POM121L2: variants seen among roughly 807,000 people sequenced by gnomAD.
The protein encoded by POM121L2 is POM121-like protein 2.
For missense variants in POM121L2, 1,167 were observed against 1,260.3 expected (o/e 0.93, Z 1.12); for synonymous variants, 459 against 483.8 (o/e 0.95, Z 0.67).
At position 27,311,019 on chromosome 6, in the gene POM121L2, A is replaced by C. The variant is rs772586435; in HGVS notation, c.1152T>G (p.Pro384=). ...PFPETWLAIQ[P]SLSLALPSSE... is the part of the protein sequence containing the mutation. ...AAGAAGGCAGAGCAAGAGACAAGGA[A>C]GGCTGAATAGCAAGCCAAGTCTCAG... The change falls in exon 1 of 1, where the codon CCT becomes CCG. Residue 384 remains proline, a synonymous_variant. Transcript: ENST00000444565. The C allele has an allele frequency of 1.9e-5, 29 of 1,552,096 alleles. No individual in the cohort carries two copies. In the African/African-American group the frequency reaches 4.0e-4, roughly 21 times the overall value.
Position 27,312,148 on chromosome 6 carries a change from A to G in POM121L2, c.23T>C (p.Leu8Pro). The change falls in exon 1 of 1, where the codon CTG becomes CCG. Residue 8 changes from leucine (L) to proline (P), a missense_variant. Transcript: ENST00000444565. This position sits in a 1 kb window ranked among gnomAD's most constrained non-coding sequence, Gnocchi z 6.7. MGSFLSK[L>P]ELSPSSPAQV... is the part of the protein sequence containing the mutation. ...GGCTGGGGACGAGGGCGAAAGTTCC[A>G]GTTTGCTCAGGAAACTGCCCATGAG... The G allele has an allele frequency of 6.9e-7, 1 of 1,452,176 alleles. No homozygotes were observed. Among genetic ancestry groups the G allele is most frequent in the South Asian group, 1.5e-5 (1 of 68,062 alleles). 90.0% of individuals were successfully genotyped at this position (1,452,176 alleles called of 1,614,324 possible). A position where few individuals can be genotyped will look rare whatever the true frequency, so the allele number is the denominator to read the frequency against.
At position 27,310,810 on chromosome 6, in the gene POM121L2, C is replaced by A. The variant is rs1444127358; in HGVS notation, c.1361G>T (p.Gly454Val). The stretch of plus-strand genomic sequence containing the variant: ...TGTGGGCTTTGAGTCTGGAGAGGTG[C>A]CTGGAAGGAGCTCTGACTGTGAGCA... ...PGCSQSELLP[G>V]TSPDSKPTAT... is the part of the protein sequence containing the mutation. Residue 454 changes from glycine (G) to valine (V), a missense_variant, in exon 1 of 1, where the codon GGC (glycine) becomes GTC (valine). Coordinates refer to ENST00000444565, the MANE Select transcript of POM121L2 (RefSeq NM_033482.4). 2.6e-6 allele frequency: 4 copies of A among 1,551,418 alleles called. No homozygotes were observed. The highest frequency in any genetic ancestry group is 2.6e-6 in the Non-Finnish European group (3 of 1,146,984).
Position 27,310,888 on chromosome 6 carries a change from G to C in POM121L2, c.1283C>G (p.Thr428Ser). The C allele has an allele frequency of 1.9e-6, 3 of 1,551,802 alleles. No homozygotes were observed. The highest frequency in any genetic ancestry group is 2.6e-6 in the Non-Finnish European group (3 of 1,146,994). The change falls in exon 1 of 1, where the codon ACC becomes AGC. Residue 428 changes from threonine (T) to serine (S), a missense_variant. Thr to Ser is a moderately conservative substitution (Grantham distance 58). Coordinates refer to ENST00000444565, the MANE Select transcript of POM121L2 (RefSeq NM_033482.4). ...LASPQSTGEA[T>S]SVAHSPLKTP... Reference sequence around the variant, plus strand: ...CTTCAAAGGAGAATGGGCCACACTGGTTGCCTCTCCCGTGGACTGTGGAGA... The same window carrying C: ...CTTCAAAGGAGAATGGGCCACACTGCTTGCCTCTCCCGTGGACTGTGGAGA...
At chr6:27,311,347 GGA>G, upstream of POM121L2, 1 of 1,551,646 alleles carries the variant, frequency 6.4e-7, no homozygotes, top group Non-Finnish European at 8.7e-7. Context: ...TGATACACTG[GGA>G]ACACTTCTCT....
In POM121L2 at chr6:27,311,575, A is replaced by G. The variant is rs992063981; in HGVS notation, c.596T>C (p.Leu199Pro). The G allele has an allele frequency of 6.4e-7, 1 of 1,551,592 alleles. No homozygotes were observed. Among genetic ancestry groups the G allele is most frequent in the African/African-American group, 1.4e-5 (1 of 73,054 alleles). Residue 199 changes from leucine to proline, a missense_variant, in exon 1 of 1, where the codon CTG (leucine) becomes CCG (proline). Transcript: ENST00000444565. ...PETRPSAFKP[L>P]MKNGTLTSFV... ...AGAAGTGAGGGTTCCATTTTTCATC[A>G]GGGGCTTAAATGCCGATGGTCTGGT...
chr6:27,309,440 C>T lies in POM121L2; in HGVS notation c.2731G>A (p.Asp911Asn). 6.4e-7 allele frequency: 1 copy of T among 1,551,470 alleles called. No homozygotes were observed. Among genetic ancestry groups the T allele is most frequent in the Non-Finnish European group, 8.7e-7 (1 of 1,146,852 alleles). Residue 911 changes from aspartate to asparagine, a missense_variant, in exon 1 of 1, where the codon GAC (aspartate) becomes AAC (asparagine). Transcript: ENST00000444565. ...DESGIIMTGP[D>N]MSPTSGAFSI... ...AAAGCTCCAGAGGTGGGGCTCATGT[C>T]TGGACCAGTCATTATGATCCCAGAC...
In POM121L2 at chr6:27,308,799, C is replaced by G. The variant is rs9461347; in HGVS notation, c.*264G>C. 4.6e-5 allele frequency among the ~76,000 whole-genome samples: 7 copies of G among 152,286 alleles called. No individual in the cohort carries two copies. Among genetic ancestry groups the G allele is most frequent in the African/African-American group, 1.7e-4 (7 of 41,560 alleles). ...TGCTGTGCACACTGCACACCTGACA[C>G]AGAGAAGAGTGGACAGGAAGGGGAA... On this transcript the variant is annotated 3_prime_UTR_variant, in exon 1 of 1. Coordinates refer to ENST00000444565, the MANE Select transcript of POM121L2 (RefSeq NM_033482.4).
At position 27,312,098 on chromosome 6, in the gene POM121L2, T is replaced by C. The variant is rs11965377; in HGVS notation, c.73A>G (p.Arg25Gly). 7.6e-3 allele frequency: 11,258 copies of C among 1,478,448 alleles called. 179 individuals are homozygous for C. The highest frequency in any genetic ancestry group is 0.055 in the African/African-American group (3,919 of 70,826). The allele number at this position is 1,478,448 out of a possible 1,614,324, so 91.6% of individuals were successfully genotyped here. Reference sequence around the variant, plus strand: ...TGAGGTGGCCGGCGTTTCGTGGGCCTCTCGGGCAAGTCGGTGCGCACCTGG... The same window carrying C: ...TGAGGTGGCCGGCGTTTCGTGGGCCCCTCGGGCAAGTCGGTGCGCACCTGG... ...PAQVRTDLPE[R>G]PTKRRPPQPL... The change falls in exon 1 of 1, where the codon AGG becomes GGG. Residue 25 changes from arginine to glycine, a missense_variant. Physicochemically the swap from Arg to Gly is moderately radical, Grantham distance 125. Transcript: ENST00000444565. The surrounding 1 kb of genome is among the most constrained non-coding windows in gnomAD (Gnocchi z 6.7).
chr6:27,309,678 C>T lies in POM121L2; in HGVS notation c.2493G>A (p.Leu831=). 6.4e-7 allele frequency: 1 copy of T among 1,551,698 alleles called. No homozygotes were observed. Among genetic ancestry groups the T allele is most frequent in the Non-Finnish European group, 8.7e-7 (1 of 1,147,004 alleles). The change falls in exon 1 of 1, where the codon TTG becomes TTA. Residue 831 remains leucine (L), a synonymous_variant. Coordinates refer to ENST00000444565, the MANE Select transcript of POM121L2 (RefSeq NM_033482.4). ...ISTTQSALGC[L]TPSASTSQTP... ...TTTGAGAGGTGGAGGCTGAGGGTGT[C>T]AAACACCCCAAGGCTGACTGTGTGG...
Position 27,311,965 on chromosome 6 carries a change from G to T in POM121L2, c.206C>A (p.Thr69Lys). The change falls in exon 1 of 1, where the codon ACG (threonine) becomes AAG (lysine). Residue 69 changes from threonine (T) to lysine (K), a missense_variant. Coordinates refer to ENST00000444565, the MANE Select transcript of POM121L2 (RefSeq NM_033482.4). ...CCTCCAGGCCTCGTTGGCCAGCCAC[G>T]TGGTTGGATTGGCAGGATCCAGGTT... ...RPNLDPANPT[T>K]WLANEAWRRF... The T allele has an allele frequency of 6.4e-7, 1 of 1,551,420 alleles. No homozygotes were observed.
At position 27,311,050 on chromosome 6, in the gene POM121L2, G is replaced by A. The variant is rs1581499968; in HGVS notation, c.1121C>T (p.Pro374Leu). The change falls in exon 1 of 1, where the codon CCT (proline) becomes CTT (leucine). Residue 374 changes from proline to leucine, a missense_variant. Transcript: ENST00000444565. Reference protein sequence around the residue: ...GEDTTEVNTDPFPETWLAIQP... With the variant: ...GEDTTEVNTDLFPETWLAIQP... Reference sequence around the variant, plus strand: ...AATAGCAAGCCAAGTCTCAGGGAAAGGGTCTGTGTTGACCTCAGTTGTATC... The same window carrying A: ...AATAGCAAGCCAAGTCTCAGGGAAAAGGTCTGTGTTGACCTCAGTTGTATC... 1 of 1,552,084 alleles carries A rather than the reference G, an allele frequency of 6.4e-7. No individual in the cohort carries two copies. Among genetic ancestry groups the A allele is most frequent in the East Asian group, 2.4e-5 (1 of 40,920 alleles).
rs1020191754 is a variant in POM121L2, at chr6:27,310,984, T to C, written c.1187A>G (p.Asp396Gly). ...LSLALPSSET[D>G]LTQGANPQLE... ...CTGAGGATTTGCTCCCTGGGTTAGA[T>C]CTGTTTCTGAAGAAGGCAGAGCAAG... Residue 396 changes from aspartate to glycine, a missense_variant, in exon 1 of 1, where the codon GAT becomes GGT. Physicochemically the swap from Asp to Gly is moderately conservative, Grantham distance 94. Coordinates refer to ENST00000444565, the MANE Select transcript of POM121L2 (RefSeq NM_033482.4). The C allele has an allele frequency of 1.3e-6, 2 of 1,551,868 alleles. No homozygotes were observed. The highest frequency in any genetic ancestry group is 2.0e-5 in the Admixed American group (1 of 51,010).
In POM121L2 at chr6:27,309,640, G is replaced by A; in HGVS notation, c.2531C>T (p.Thr844Ile). 1 of 1,551,764 alleles carries A rather than the reference G, an allele frequency of 6.4e-7. No homozygotes were observed. Among genetic ancestry groups the A allele is most frequent in the Non-Finnish European group, 8.7e-7 (1 of 1,147,026 alleles). Residue 844 changes from threonine (T) to isoleucine (I), a missense_variant, in exon 1 of 1, where the codon ACC (threonine) becomes ATC (isoleucine). Transcript: ENST00000444565. Reference protein sequence around the residue: ...SASTSQTPASTWSGIGGIPAG... With the variant: ...SASTSQTPASIWSGIGGIPAG... ...TGGAATGCCGCCAATGCCTGACCAG[G>A]TGCTGGCAGGGGTTTGAGAGGTGGA...
At position 27,309,494 on chromosome 6, in the gene POM121L2, C is replaced by T. The variant is rs983693292; in HGVS notation, c.2677G>A (p.Gly893Arg). The T allele has an allele frequency of 2.9e-5, 45 of 1,551,842 alleles. No individual in the cohort carries two copies. The highest frequency in any genetic ancestry group is 1.7e-4 in the Middle Eastern group (1 of 6,018). The change falls in exon 1 of 1, where the codon GGA becomes AGA. Residue 893 changes from glycine to arginine, a missense_variant. Physicochemically the swap from Gly to Arg is moderately radical, Grantham distance 125. Transcript: ENST00000444565. ...TCACAGTCCATAGGGGTCACGAATCCCCCAAAAGTGAAAGGTTGTGGAGCT... is the reference window on the plus strand; with the variant it reads ...TCACAGTCCATAGGGGTCACGAATCTCCCAAAAGTGAAAGGTTGTGGAGCT... Reference protein sequence around the residue: ...SRAPQPFTFGGFVTPMDCDES... With the variant: ...SRAPQPFTFGRFVTPMDCDES...
Position 27,310,443 on chromosome 6 carries a change from G to T in POM121L2, c.1728C>A (p.Thr576=). ...CTATGCTGCCAAAGATAGGCTTGAA[G>T]GTAGGAGTTAAGGTACCCTGAATTG... ...LSTIQGTLTP[T]FKPIFGSIDP... Residue 576 remains threonine (T), a synonymous_variant, in exon 1 of 1, where the codon ACC becomes ACA. Coordinates refer to ENST00000444565, the MANE Select transcript of POM121L2 (RefSeq NM_033482.4). The T allele has an allele frequency of 6.4e-7, 1 of 1,552,236 alleles. No individual in the cohort carries two copies. The highest frequency in any genetic ancestry group is 8.7e-7 in the Non-Finnish European group (1 of 1,147,126).
rs750813017 is a variant in POM121L2 at position 27,310,570 on chromosome 6, A to G, written c.1601T>C (p.Leu534Ser). ...PPDATSAHLM[L>S]KPILGPLHNS... Reference sequence around the variant, plus strand: ...GTGCAGGGGCCCCAAAATCGGTTTTAACATGAGGTGAGCAGAAGTTGCATC... The same window carrying G: ...GTGCAGGGGCCCCAAAATCGGTTTTGACATGAGGTGAGCAGAAGTTGCATC... The change falls in exon 1 of 1, where the codon TTA becomes TCA. Residue 534 changes from leucine to serine, a missense_variant. Coordinates refer to ENST00000444565, the MANE Select transcript of POM121L2 (RefSeq NM_033482.4). The G allele has an allele frequency of 1.3e-6, 2 of 1,552,080 alleles. No homozygotes were observed. The highest frequency in any genetic ancestry group is 1.7e-6 in the Non-Finnish European group (2 of 1,147,086).
rs1287801458 is a variant in POM121L2, at chr6:27,309,796, A to C, written c.2375T>G (p.Met792Arg). ...AAGAAAAGAACTACTGACACTTGGC[A>C]TAAGGGCTGGCTGGGAAGGCCCTTG... ...QKQGPSQPAL[M>R]PSVSSSFLFG... Residue 792 changes from methionine to arginine, a missense_variant, in exon 1 of 1, where the codon ATG becomes AGG. Transcript: ENST00000444565. The C allele has an allele frequency of 1.9e-6, 3 of 1,551,792 alleles. No individual in the cohort carries two copies. In the South Asian group the frequency reaches 3.6e-5, roughly 18 times the overall value.
intron 1 of POM121L2, chr6:27,309,480 AG>A: frequency 6.4e-7 from 1 of 1,551,896 alleles, no homozygotes; most frequent in Non-Finnish European, 8.7e-7. Flanking sequence ...CACAGTCCAT[AG>A]GGGTCACGAA....
Position 27,310,391 on chromosome 6 carries a change from C to T in POM121L2, c.1780G>A (p.Ala594Thr), listed in dbSNP as rs746964395. The T allele has an allele frequency of 1.9e-6, 3 of 1,552,052 alleles. No homozygotes were observed. The South Asian group carries it at 3.6e-5, about 18-fold the overall frequency. ...IDPLKTTPMI[A>T]PFSSKQTPPP... ...GGGGTCTGCTTGGAGGAGAAAGGAG[C>T]TATCATGGGCGTAGTTTTAAGTGGA... Residue 594 changes from alanine (A) to threonine (T), a missense_variant, in exon 1 of 1, where the codon GCT (alanine) becomes ACT (threonine). Coordinates refer to ENST00000444565, the MANE Select transcript of POM121L2 (RefSeq NM_033482.4).
Sources: gnomAD v4.1 joint callset for allele counts (sites outside exome capture counted in the v4.1 genomes callset) on GRCh38, gnomAD v4.1.1 for gene constraint, Gnocchi (gnomAD v3.1) non-coding constraint, MANE v1.5 for transcripts, NCBI Gene and HGNC (gene_info 2026-07-23, HGNC 2026-07-21) for gene names.